The following FHIT variants were observed in gnomAD, a reference collection of about 807,000 sequenced individuals.
FHIT encodes fragile histidine triad diadenosine triphosphatase, also known as bis(5'-adenosyl)-triphosphatase.
In FHIT, 19 loss-of-function variants were observed where a neutral mutation model predicts 17.9. The ratio of observed to expected loss-of-function variants is 1.06; its 90% CI spans 0.74 to 1.56. The LOEUF is 1.56. Ranked by LOEUF, FHIT falls within the 40% of genes most tolerant of loss-of-function variation. The pLI is 0.00. For synonymous variants in FHIT, 81 were observed against 69.7 expected, an observed-to-expected ratio of 1.16 and a Z score of -0.81; for missense variants, 248 against 189.2, an observed-to-expected ratio of 1.31 and a Z score of -1.82.
chr3:60,800,555 G>A lies in FHIT; in HGVS notation c.-18+21364C>T, dbSNP rs913271928. ...ACCCTAGATAATCAAATTGAGGAAC[G>A]AGGGAGAGTAAAACAGGGGAAAAGG... On this transcript the variant is annotated intron_variant, in intron 4 of 9. Transcript: ENST00000492590. Among the ~76,000 whole-genome samples, 7 of 152,174 alleles carry A rather than the reference G, an allele frequency of 4.6e-5. 1 individual carries two copies. In the South Asian group the frequency reaches 8.3e-4, roughly 18 times the overall value.
intron 5 of FHIT, among the ~76,000 whole-genome samples, chr3:60,418,088 T>C (rs930841687): frequency 6.6e-6 from 1 of 152,058 alleles, no homozygotes; most frequent in African/African-American, 2.4e-5. Context: ...CAATTAATAT[T>C]ATAAAAGGCT....
At chr3:60,635,858 C>CAT (rs1180993581) in intron 4 of FHIT, among the ~76,000 whole-genome samples, 7 of 151,912 alleles carry the variant, frequency 4.6e-5, no homozygotes, top group Non-Finnish European at 1.0e-4. Flanking sequence ...TTGTGAGCCA[C>CAT]ATATATATAT....
chr3:59,995,363 C>G lies in FHIT; in HGVS notation c.279+16008G>C, dbSNP rs9828114. ...ATCCCAACTCCTAGCTTTCACCTCT[C>G]AAGTGTCTTAACTCTAACTTAAAGT... On this transcript the variant is annotated intron_variant, in intron 7 of 9. Transcript: ENST00000492590. Among the ~76,000 whole-genome samples the G allele has an allele frequency of 9.7e-3, 1,482 of 152,180 alleles. 36 individuals are homozygous for G. The highest frequency in any genetic ancestry group is 0.034 in the African/African-American group (1,414 of 41,550).
At position 59,829,804 on chromosome 3, in the gene FHIT, C is replaced by T. The variant is rs904624532; in HGVS notation, c.349-77483G>A. ...TGCAGGCCCAGGTGTCAGAATTATA[C>T]AATACAGAAAATAGATCTCTTATAA... On this transcript the variant is annotated intron_variant, in intron 8 of 9. Coordinates refer to ENST00000492590, the MANE Select transcript of FHIT (RefSeq NM_002012.4). 6.6e-5 allele frequency among the ~76,000 whole-genome samples: 10 copies of T among 152,054 alleles called. No individual in the cohort carries two copies. The East Asian group carries it at 7.7e-4, about 12-fold the overall frequency.
chr3:61,043,726 C>A (rs1171441442), intron 2 of FHIT, among the ~76,000 whole-genome samples: 1 of 152,184 alleles, frequency 6.6e-6, no homozygotes, highest in Non-Finnish European at 1.5e-5. Context: ...GAGATACCTC[C>A]CAGTAGGGGC....
At chr3:60,395,035 C>A (rs1260359156) in intron 5 of FHIT, among the ~76,000 whole-genome samples, 2 of 152,060 alleles carry the variant, frequency 1.3e-5, no homozygotes, top group Non-Finnish European at 2.9e-5. Context: ...GGACAAAGGT[C>A]AAAAAGAATG....
At chr3:60,286,218 G>A (rs1707722069) in intron 5 of FHIT, among the ~76,000 whole-genome samples, 1 of 152,122 alleles carries the variant, frequency 6.6e-6, no homozygotes, top group Non-Finnish European at 1.5e-5. Context: ...TAGAAATGCA[G>A]GTGTGGCCAC....
rs902155687 is a variant in FHIT, at chr3:60,418,317, A to G, written c.103+118543T>C. Among the ~76,000 whole-genome samples, 6 of 147,166 alleles carry G rather than the reference A, an allele frequency of 4.1e-5. No individual in the cohort carries two copies. In the East Asian group the frequency reaches 1.2e-3, roughly 29 times the overall value. On this transcript the variant is annotated intron_variant, in intron 5 of 9. Transcript: ENST00000492590. ...TAATTTTACATAATTATGTCATGCT[A>G]TATTCATACATTAAATATTAATACA...
intron 2 of FHIT, among the ~76,000 whole-genome samples, chr3:61,190,563 C>G (rs2038681438): frequency 6.6e-6 from 1 of 152,116 alleles, no homozygotes; most frequent in Admixed American, 6.5e-5. Context: ...CCATTTGACC[C>G]AGCCATCTCA....
intron 7 of FHIT, among the ~76,000 whole-genome samples, chr3:59,987,533 T>A (rs1002557105): frequency 2.0e-5 from 3 of 152,102 alleles, no homozygotes; most frequent in African/African-American, 4.8e-5. Flanking sequence ...ATATCTAACA[T>A]GAAGGCAAAC....
In FHIT at chr3:60,121,725, C is replaced by A. The variant is rs1437360513; in HGVS notation, c.104-107573G>T. ...AACAAAACAAACACACACACACACA[C>A]ACACACACACACACACACACATTAG... is the stretch of plus-strand genomic sequence containing the variant. On this transcript the variant is annotated intron_variant, in intron 5 of 9. Coordinates refer to ENST00000492590, the MANE Select transcript of FHIT (RefSeq NM_002012.4). Among the ~76,000 whole-genome samples the A allele has an allele frequency of 1.2e-4, 18 of 148,804 alleles. No homozygotes were observed. The East Asian group carries it at 2.2e-3, about 18-fold the overall frequency.
chr3:61,016,168 G>A (rs962069363), intron 3 of FHIT, among the ~76,000 whole-genome samples: 2 of 152,178 alleles, frequency 1.3e-5, no homozygotes, highest in African/African-American at 4.8e-5. Context: ...CCTAGGCAAG[G>A]CCTCTCATCA....
chr3:60,365,140 T>C (rs963901994), intron 5 of FHIT, among the ~76,000 whole-genome samples: 1 of 149,158 alleles, frequency 6.7e-6, no homozygotes, highest in South Asian at 2.1e-4. Context: ...GACCTATATA[T>C]ACAGTATATA....
At chr3:61,093,129 A>C (rs981385418) in intron 2 of FHIT, among the ~76,000 whole-genome samples, 3 of 152,226 alleles carry the variant, frequency 2.0e-5, no homozygotes, top group Non-Finnish European at 2.9e-5. Context: ...TCTGTAAATG[A>C]AGTAAACAAC....
intron 4 of FHIT, among the ~76,000 whole-genome samples, chr3:60,694,233 T>C (rs782255995): frequency 2.6e-5 from 4 of 152,076 alleles, no homozygotes; most frequent in Non-Finnish European, 4.4e-5. Context: ...AGAGCTATGT[T>C]TAGGCTCCTC....
intron 3 of FHIT, among the ~76,000 whole-genome samples, chr3:60,938,662 T>C (rs1553773744): frequency 6.6e-6 from 1 of 152,138 alleles, no homozygotes; most frequent in African/African-American, 2.4e-5. Context: ...TCAGGGGAGA[T>C]GGAGTCACCA....
intron 4 of FHIT, among the ~76,000 whole-genome samples, chr3:60,625,375 A>C (rs578168775): frequency 3.9e-5 from 6 of 152,328 alleles, no homozygotes; most frequent in African/African-American, 1.4e-4. Context: ...ACTGTTTTCC[A>C]AAGTGGCTAT....
At chr3:60,899,719 C>T (rs1553762739) in intron 3 of FHIT, among the ~76,000 whole-genome samples, 1 of 152,146 alleles carries the variant, frequency 6.6e-6, no homozygotes, top group African/African-American at 2.4e-5. Context: ...GATACCAAAA[C>T]CCAGCCGGTG....
intron 5 of FHIT, among the ~76,000 whole-genome samples, chr3:60,149,984 G>A (rs968249569): frequency 1.3e-5 from 1 of 78,370 alleles, no homozygotes; most frequent in Non-Finnish European, 2.4e-5. Context: ...AAACCTTTAA[G>A]CCTTTTTTTT....
Sources: allele counts gnomAD v4.1 joint callset (sites outside exome capture counted in the v4.1 genomes callset), GRCh38; gene constraint gnomAD v4.1.1; transcripts MANE v1.5; gene names NCBI Gene and HGNC (gene_info 2026-07-23, HGNC 2026-07-21).